The following ABR variants were observed in gnomAD, a reference collection of about 807,000 sequenced individuals.
ABR encodes the protein ABR activator of RhoGEF and GTPase, also known as active breakpoint cluster region-related protein.
ABR carries 35 observed loss-of-function variants against 107.2 expected under a neutral mutation model. The observed-to-expected ratio is 0.33, with a 90% CI of 0.25 to 0.43. The LOEUF (loss-of-function observed/expected upper bound fraction) is 0.43, where lower values mean the gene tolerates loss of function less well. Ranked by LOEUF, ABR falls within the 20% of genes least tolerant of loss-of-function variation. The pLI is 1.00. For synonymous variants in ABR, 498 were observed against 462.0 expected (o/e 1.08, Z -1.00); for missense variants, 815 against 1,115.2 (o/e 0.73, Z 3.83).
At chr17:1,172,954 C>CCG (rs1322820204) in intron 1 of ABR, among the ~76,000 whole-genome samples, 1 of 143,692 alleles carries the variant, frequency 7.0e-6, no homozygotes, top group African/African-American at 2.6e-5. Flanking sequence ...TAATCCACCC[C>CCG]CCCCATCACC....
intron 1 of ABR, among the ~76,000 whole-genome samples, chr17:1,146,854 T>TGCCACCAG (rs1434985028): frequency 1.6e-5 from 1 of 63,712 alleles, no homozygotes; most frequent in African/African-American, 4.9e-5. Flanking sequence ...AGGCCACCAC[T>TGCCACCAG]GCCACCACTG....
At chr17:1,189,590 C>T (rs1298895613), upstream of ABR, among the ~76,000 whole-genome samples, 1 of 152,146 alleles carries the variant, frequency 6.6e-6, no homozygotes, top group Non-Finnish European at 1.5e-5. Flanking sequence ...TTGCTCTCTT[C>T]TACTTTTTCC....
upstream of ABR, among the ~76,000 whole-genome samples, chr17:1,188,286 T>C (rs372714751): frequency 2.9e-4 from 43 of 146,410 alleles, no homozygotes; most frequent in African/African-American, 8.9e-4. Context: ...TGCAGTGGCT[T>C]ATGCCTGTAA....
chr17:1,097,995 C>T (rs2037589952), intron 3 of ABR, among the ~76,000 whole-genome samples: 1 of 152,170 alleles, frequency 6.6e-6, no homozygotes, highest in Non-Finnish European at 1.5e-5. Context: ...GAAAGAATGG[C>T]ATCCCTCTCA....
chr17:1,172,971 CACCCAACA>C, intron 1 of ABR, among the ~76,000 whole-genome samples: 4 of 49,570 alleles, frequency 8.1e-5, no homozygotes, highest in Non-Finnish European at 2.6e-4. Flanking sequence ...CACCTCAGCC[CACCCAACA>C]CATCACCTCA....
chr17:1,202,656 T>C (rs911405772), intron 1 of ABR, among the ~76,000 whole-genome samples: 1 of 152,036 alleles, frequency 6.6e-6, no homozygotes, highest in Non-Finnish European at 1.5e-5. Flanking sequence ...AAGACCCTGT[T>C]AGGAAAGGGA....
chr17:1,034,604 G>A (rs1365938287), intron 16 of ABR, among the ~76,000 whole-genome samples: 4 of 152,152 alleles, frequency 2.6e-5, no homozygotes, highest in African/African-American at 9.7e-5. Context: ...GGGCCCTCGG[G>A]GCTGTAGGGA....
chr17:1,193,882 G>T (rs1370085428), intron 1 of ABR, among the ~76,000 whole-genome samples: 6 of 151,698 alleles, frequency 4.0e-5, no homozygotes, highest in Non-Finnish European at 5.9e-5. Flanking sequence ...TTTTAATAGA[G>T]ACGGGGTTTC....
intron 1 of ABR, among the ~76,000 whole-genome samples, chr17:1,195,064 T>C (rs1403057912): frequency 2.1e-5 from 3 of 141,666 alleles, no homozygotes; most frequent in Non-Finnish European, 4.6e-5. Context: ...TCCCAGCACT[T>C]TGGGAGGCCG....
At chr17:1,041,671 T>A (rs2030524761) in intron 16 of ABR, among the ~76,000 whole-genome samples, 2 of 152,148 alleles carry the variant, frequency 1.3e-5, no homozygotes, top group South Asian at 4.1e-4. Flanking sequence ...AGACGGAGGT[T>A]GCAGTGAGCC....
In ABR at chr17:1,010,553, C is replaced by G. The variant is rs2070445189; in HGVS notation, c.2236+176G>C. The G allele has an allele frequency of 2.5e-6, 2 of 785,504 alleles. No individual in the cohort carries two copies. The highest frequency in any genetic ancestry group is 5.4e-5 in the East Asian group (2 of 36,844). 48.7% of individuals were successfully genotyped at this position (785,504 alleles called of 1,614,324 possible). On this transcript the variant is annotated intron_variant, in intron 20 of 22. Transcript: ENST00000302538. This position sits in a 1 kb window ranked among gnomAD's most constrained non-coding sequence, Gnocchi z 4.1. ...GGCGAGAAAGGGCCCAGTGTCTGCA[C>G]CAGGTCCCAGCAGGCCACACCTCAC...
intron 9 of ABR, among the ~76,000 whole-genome samples, chr17:1,067,858 G>A (rs1043451719): frequency 1.3e-5 from 2 of 152,322 alleles, no homozygotes; most frequent in Admixed American, 6.5e-5. Flanking sequence ...GCTTATTATT[G>A]CCATCTCTGC....
chr17:1,029,312 C>A (rs2072512710), intron 16 of ABR, among the ~76,000 whole-genome samples: 1 of 149,742 alleles, frequency 6.7e-6, no homozygotes, highest in Non-Finnish European at 1.5e-5. Flanking sequence ...ACCACAGGGA[C>A]CCCCGCTGGT....
intron 1 of ABR, among the ~76,000 whole-genome samples, chr17:1,171,108 T>C (rs993755706): frequency 6.6e-6 from 1 of 152,222 alleles, no homozygotes; most frequent in African/African-American, 2.4e-5. Flanking sequence ...AGATGACGTA[T>C]GGGCTGTTTA....
intron 1 of ABR, among the ~76,000 whole-genome samples, chr17:1,161,010 G>A (rs556626172): frequency 1.2e-4 from 18 of 152,198 alleles, no homozygotes; most frequent in Admixed American, 3.9e-4. Context: ...TCGCTGGACC[G>A]CCCTGCCTGC....
At position 1,050,437 on chromosome 17, in the gene ABR, G is replaced by T; in HGVS notation, c.1659+100C>A. Reference sequence around the variant, plus strand: ...AGCAGGGAGCAGAAAGGGGGGTGCAGACATAGCTGGTCCAACCAATGGGCT... The same window carrying T: ...AGCAGGGAGCAGAAAGGGGGGTGCATACATAGCTGGTCCAACCAATGGGCT... On this transcript the variant is annotated intron_variant, in intron 15 of 22. Transcript: ENST00000302538. This position sits in a 1 kb window ranked among gnomAD's most constrained non-coding sequence, Gnocchi z 4.6. 8.5e-7 allele frequency: 1 copy of T among 1,175,108 alleles called. No individual in the cohort carries two copies. Among genetic ancestry groups the T allele is most frequent in the Non-Finnish European group, 1.3e-6 (1 of 787,446 alleles). 72.8% of individuals were successfully genotyped at this position (1,175,108 alleles called of 1,614,324 possible).
At chr17:1,033,205 G>A (rs1031706490) in intron 16 of ABR, among the ~76,000 whole-genome samples, 4 of 152,202 alleles carry the variant, frequency 2.6e-5, no homozygotes, top group Non-Finnish European at 4.4e-5. Context: ...CTCGGCATCC[G>A]GCGTCACCAG....
In ABR at chr17:1,179,509, C is replaced by T. The variant is rs1170609471; in HGVS notation, c.61+158G>A. ...CCCGATTCCCAACCCGACCCCGATC[C>T]GGACCCCGATCTCGCCCCCGCCCGC... On this transcript the variant is annotated intron_variant, in intron 1 of 22. Coordinates refer to ENST00000302538, the MANE Select transcript of ABR (RefSeq NM_021962.5). This position sits in a 1 kb window ranked among gnomAD's most constrained non-coding sequence, Gnocchi z 4.9. Among the ~76,000 whole-genome samples the T allele has an allele frequency of 1.3e-5, 2 of 151,006 alleles. No individual in the cohort carries two copies. The highest frequency in any genetic ancestry group is 3.0e-5 in the Non-Finnish European group (2 of 67,612).
chr17:1,076,527 A>G (rs1478756044), intron 6 of ABR, among the ~76,000 whole-genome samples: 3 of 152,036 alleles, frequency 2.0e-5, no homozygotes, highest in African/African-American at 4.8e-5. Flanking sequence ...CTGACACTGC[A>G]TTATCGGCTC....
Sources: gnomAD v4.1 joint callset for allele counts (sites outside exome capture counted in the v4.1 genomes callset) on GRCh38, gnomAD v4.1.1 for gene constraint, Gnocchi (gnomAD v3.1) non-coding constraint, MANE v1.5 for transcripts, NCBI Gene and HGNC (gene_info 2026-07-23, HGNC 2026-07-21) for gene names.